Variants in TRPM3 observed in about 807,000 individuals in gnomAD.
TRPM3 encodes transient receptor potential cation channel subfamily M member 3, also known as long transient receptor potential channel 3.
A neutral mutation model predicts 181.2 loss-of-function variants in TRPM3; 77 were observed. That is an observed-to-expected ratio of 0.42 (90% CI 0.35 to 0.51). TRPM3 has a LOEUF of 0.51. Among genes scored for constraint, TRPM3 ranks in the 20% least tolerant of loss-of-function variants. The probability of loss-of-function intolerance (pLI) is 0.01; values close to 1 mark genes in which losing one functional copy is unlikely to be tolerated. For missense variants in TRPM3, 1,759 were observed against 2,196.7 expected, an observed-to-expected ratio of 0.80 and a Z score of 3.98; for synonymous variants, 745 against 796.4, an observed-to-expected ratio of 0.94 and a Z score of 1.09.
Position 71,121,518 on chromosome 9 carries a change from G to C in TRPM3, c.-164C>G. 7.1e-7 allele frequency: 1 copy of C among 1,404,264 alleles called. No homozygotes were observed. Among genetic ancestry groups the C allele is most frequent in the East Asian group, 2.6e-5 (1 of 38,724 alleles). 87.0% of individuals were successfully genotyped at this position (1,404,264 alleles called of 1,614,324 possible). A position where few individuals can be genotyped will look rare whatever the true frequency, so the allele number is the denominator to read the frequency against. On this transcript the variant is annotated 5_prime_UTR_variant, in exon 1 of 26. Coordinates refer to ENST00000677713, the MANE Select transcript of TRPM3 (RefSeq NM_001366145.2). Reference sequence around the variant, plus strand: ...GCATACCAAATGTGGCTGAATGGAGGCACACTGCCTGCTGCTTCGGGGAGG... The same window carrying C: ...GCATACCAAATGTGGCTGAATGGAGCCACACTGCCTGCTGCTTCGGGGAGG...
intron 1 of TRPM3, among the ~76,000 whole-genome samples, chr9:70,884,568 G>T (rs78257060): frequency 0.068 from 10,384 of 152,234 alleles, 436 homozygotes; most frequent in African/African-American, 0.11. Context: ...GTGTTTTATG[G>T]AAATAACTCC....
chr9:70,811,184 T>C, intron 6 of TRPM3: 1 of 1,612,396 alleles, frequency 6.2e-7, no homozygotes, highest in Non-Finnish European at 8.5e-7. Flanking sequence ...TGAGTCTAAC[T>C]GGCAACTACC....
At chr9:71,289,246 T>C (rs1484495424) in intron 1 of TRPM3, among the ~76,000 whole-genome samples, 2 of 152,046 alleles carry the variant, frequency 1.3e-5, no homozygotes, top group African/African-American at 4.8e-5. Context: ...TATCTATAAA[T>C]GCACTTAAAG....
At chr9:70,954,529 G>A (rs528973850) in intron 1 of TRPM3, among the ~76,000 whole-genome samples, 2 of 152,182 alleles carry the variant, frequency 1.3e-5, no homozygotes, top group African/African-American at 4.8e-5. Flanking sequence ...TATTTGATGT[G>A]TAGATTTTAC....
At chr9:71,117,374 T>C (rs1256540977) in intron 1 of TRPM3, among the ~76,000 whole-genome samples, 1 of 152,138 alleles carries the variant, frequency 6.6e-6, no homozygotes, top group African/African-American at 2.4e-5. Flanking sequence ...TGGGTGAAAA[T>C]GTAATCGTGG....
chr9:71,409,774 A>C (rs1014744260), intron 1 of TRPM3, among the ~76,000 whole-genome samples: 1 of 152,064 alleles, frequency 6.6e-6, no homozygotes, highest in African/African-American at 2.4e-5. Flanking sequence ...GACATCTACA[A>C]AACTCTCCAC....
chr9:70,967,788 G>T (rs1388798561), intron 1 of TRPM3, among the ~76,000 whole-genome samples: 2 of 152,070 alleles, frequency 1.3e-5, no homozygotes, highest in Admixed American at 1.3e-4. Flanking sequence ...GATTTATATA[G>T]GGTTTTGAAA....
chr9:70,972,276 C>G (rs1590193627), intron 1 of TRPM3, among the ~76,000 whole-genome samples: 1 of 152,246 alleles, frequency 6.6e-6, no homozygotes, highest in East Asian at 1.9e-4. Context: ...ATGGATGAGC[C>G]TTGAAAACAT....
intron 1 of TRPM3, among the ~76,000 whole-genome samples, chr9:71,099,328 T>G (rs2067886132): frequency 6.6e-6 from 1 of 152,116 alleles, no homozygotes; most frequent in South Asian, 2.1e-4. Flanking sequence ...TCCCCAAAGA[T>G]TCCACCTTCT....
intron 7 of TRPM3, among the ~76,000 whole-genome samples, chr9:70,783,339 G>A (rs1470327014): frequency 6.6e-6 from 1 of 152,110 alleles, no homozygotes; most frequent in Non-Finnish European, 1.5e-5. Context: ...AAACATCAAT[G>A]GCTTCCCTGG....
At chr9:70,949,351 C>T (rs898541230) in intron 1 of TRPM3, among the ~76,000 whole-genome samples, 2 of 152,082 alleles carry the variant, frequency 1.3e-5, no homozygotes, top group Non-Finnish European at 1.5e-5. Flanking sequence ...GCCACCATGC[C>T]TGGTCAGTGG....
chr9:70,789,880 G>A (rs971716871), intron 6 of TRPM3, among the ~76,000 whole-genome samples: 2 of 152,122 alleles, frequency 1.3e-5, no homozygotes, highest in Non-Finnish European at 2.9e-5. Context: ...CAATTCAGCC[G>A]GGGCTCCCAA....
intron 1 of TRPM3, among the ~76,000 whole-genome samples, chr9:71,247,952 C>CA (rs1408963013): frequency 6.6e-6 from 1 of 152,078 alleles, no homozygotes; most frequent in Non-Finnish European, 1.5e-5. Flanking sequence ...TTTGAGGAGA[C>CA]AAAAAAGACC....
intron 1 of TRPM3, among the ~76,000 whole-genome samples, chr9:70,885,900 C>A (rs1263916759): frequency 6.6e-6 from 1 of 152,130 alleles, no homozygotes; most frequent in East Asian, 1.9e-4. Flanking sequence ...AGAAACAGCA[C>A]AAATTGCCCT....
intron 1 of TRPM3, among the ~76,000 whole-genome samples, chr9:71,317,110 A>G (rs572083031): frequency 1.3e-5 from 2 of 152,298 alleles, no homozygotes; most frequent in Admixed American, 1.3e-4. Flanking sequence ...TTACAACCAG[A>G]ATGTACTTCT....
intron 8 of TRPM3, among the ~76,000 whole-genome samples, chr9:70,750,951 A>G (rs1317908945): frequency 1.3e-5 from 2 of 151,046 alleles, no homozygotes; most frequent in Non-Finnish European, 2.9e-5. Context: ...TTGTTGGTGA[A>G]GCCAACAGGA....
At chr9:71,146,965 T>C (rs1336605108) in intron 1 of TRPM3, among the ~76,000 whole-genome samples, 1 of 152,156 alleles carries the variant, frequency 6.6e-6, no homozygotes, top group Non-Finnish European at 1.5e-5. Flanking sequence ...TGTTTGTGGC[T>C]ATTGGATGTC....
At chr9:70,610,536 C>T in intron 19 of TRPM3, 73 bp downstream of exon 19, 1 of 1,551,804 alleles carries the variant, frequency 6.4e-7, no homozygotes, top group South Asian at 1.2e-5. Context: ...GAGAAAACCA[C>T]ACAGATGCAT....
rs1271026418 is a variant in TRPM3, at chr9:71,114,217, T to C, written c.177+6961A>G. On this transcript the variant is annotated intron_variant, in intron 1 of 25. Transcript: ENST00000677713. ...AAAGAAATAAAACTCATCAATGATATCCCTACACTACAACTCCTATGCATG... is the reference window on the plus strand; with the variant it reads ...AAAGAAATAAAACTCATCAATGATACCCCTACACTACAACTCCTATGCATG... 2.6e-5 allele frequency among the ~76,000 whole-genome samples: 4 copies of C among 152,182 alleles called. 1 individual carries two copies. The highest frequency in any genetic ancestry group is 9.7e-5 in the African/African-American group (4 of 41,442).
Sources: allele counts gnomAD v4.1 joint callset (sites outside exome capture counted in the v4.1 genomes callset), GRCh38; gene constraint gnomAD v4.1.1; transcripts MANE v1.5; gene names NCBI Gene and HGNC (gene_info 2026-07-23, HGNC 2026-07-21).